TBC1D9B: variants seen among roughly 807,000 people sequenced by gnomAD.
TBC1D9B encodes TBC1 domain family, member 9B (with GRAM domain).
A neutral mutation model predicts 121.1 loss-of-function variants in TBC1D9B; 87 were observed. The observed-to-expected ratio is 0.72, with a 90% CI of 0.60 to 0.86. The LOEUF (loss-of-function observed/expected upper bound fraction) is 0.86. Ranked by LOEUF, TBC1D9B falls within the 40% of genes least tolerant of loss-of-function variation. TBC1D9B has a pLI of 0.00. For missense variants in TBC1D9B, 1,540 were observed against 1,628.6 expected (o/e 0.95, Z 0.94); for synonymous variants, 668 against 670.1 (o/e 1.00, Z 0.05).
At chr5:179,881,946 G>GTTTTTTTGTTTTTTTTTTT (rs1760554713) in intron 7 of TBC1D9B, among the ~76,000 whole-genome samples, 2 of 128,330 alleles carry the variant, frequency 1.6e-5, no homozygotes, top group African/African-American at 6.7e-5. Flanking sequence ...TATACCTTCC[G>GTTTTTTTGTTTTTTTTTTT]TTTTTTTTTT....
At chr5:179,896,960 G>A (rs1373991539) in intron 3 of TBC1D9B, among the ~76,000 whole-genome samples, 1 of 152,156 alleles carries the variant, frequency 6.6e-6, no homozygotes, top group African/African-American at 2.4e-5. Flanking sequence ...AGGCTGGAGG[G>A]CAGTGGCATG....
chr5:179,899,240 G>A lies in TBC1D9B; in HGVS notation c.297C>T (p.Ser99=). 2.5e-6 allele frequency: 4 copies of A among 1,613,974 alleles called. No individual in the cohort carries two copies. The highest frequency in any genetic ancestry group is 3.4e-6 in the Non-Finnish European group (4 of 1,180,012). Residue 99 remains serine, a synonymous_variant, in exon 3 of 21, where the codon TCC becomes TCT. Coordinates refer to ENST00000355235, the MANE Select transcript of TBC1D9B (RefSeq NM_015043.4). The part of the protein sequence containing the change: ...WLENNLLQTL[S]IFDSEEDITT... Reference sequence around the variant, plus strand: ...TGATATCTTCCTCACTGTCGAAGATGGACAGTGTCTGGAGCAAGTTATTTT... The same window carrying A: ...TGATATCTTCCTCACTGTCGAAGATAGACAGTGTCTGGAGCAAGTTATTTT...
intron 16 of TBC1D9B, 124 bp downstream of exon 16, chr5:179,870,131 G>A (rs1760144949): frequency 6.7e-7 from 1 of 1,485,434 alleles, no homozygotes; most frequent in Non-Finnish European, 9.1e-7. Context: ...CGTATCTAGG[G>A]CCAGGGGCTC....
At chr5:179,900,817 G>A (rs962116544) in intron 2 of TBC1D9B, among the ~76,000 whole-genome samples, 35 of 152,188 alleles carry the variant, frequency 2.3e-4, no homozygotes, top group African/African-American at 8.2e-4. Flanking sequence ...AGGAACAAGA[G>A]CACTACGGCA....
Position 179,875,164 on chromosome 5 carries a change from A to C in TBC1D9B, c.1924T>G (p.Phe642Val). ...AGGAAGTCTCTCGTGAGCTCTTCGAAGATGCCTTGGTCCACCAGGGCTCCT... is the reference window on the plus strand; with the variant it reads ...AGGAAGTCTCTCGTGAGCTCTTCGACGATGCCTTGGTCCACCAGGGCTCCT... ...VVGALVDQGIFEELTRDFLPQ... is the reference protein window; with the variant it reads ...VVGALVDQGIVEELTRDFLPQ... Residue 642 changes from phenylalanine (F) to valine (V), a missense_variant, in exon 12 of 21, where the codon TTC becomes GTC. Phe to Val is a conservative substitution (Grantham distance 50). Coordinates refer to ENST00000355235, the MANE Select transcript of TBC1D9B (RefSeq NM_015043.4). The surrounding 1 kb of genome is among the most constrained non-coding windows in gnomAD (Gnocchi z 4.5). 1 of 1,613,494 alleles carries C rather than the reference A, an allele frequency of 6.2e-7. No homozygotes were observed. The highest frequency in any genetic ancestry group is 2.2e-5 in the East Asian group (1 of 44,866).
intron 17 of TBC1D9B, 71 bp downstream of exon 17, chr5:179,869,698 G>T: frequency 6.5e-7 from 1 of 1,546,328 alleles, no homozygotes; most frequent in Non-Finnish European, 8.9e-7. Context: ...TCTCACAGAG[G>T]CCTGTCCTCT....
chr5:179,871,170 C>A (rs751184385), intron 15 of TBC1D9B, among the ~76,000 whole-genome samples: 5 of 152,162 alleles, frequency 3.3e-5, no homozygotes, highest in Non-Finnish European at 5.9e-5. Context: ...CTGTGCATTG[C>A]TAGACTTTTC....
chr5:179,905,414 C>T (rs78241186), intron 1 of TBC1D9B, among the ~76,000 whole-genome samples: 683 of 152,196 alleles, frequency 4.5e-3, no homozygotes, highest in Non-Finnish European at 7.0e-3. Context: ...TTATTACCGA[C>T]AGTTTAAGGA....
At position 179,865,803 on chromosome 5, in the gene TBC1D9B, G is replaced by A. The variant is rs1759990162; in HGVS notation, c.2914+35C>T. ...GCAAGCAAGGGTGCCTCAACGCTGG[G>A]GTCTCTAAGAACAGCGGCAGAGAAT... On this transcript the variant is annotated intron_variant, in intron 19 of 20. Transcript: ENST00000355235. This position sits in a 1 kb window ranked among gnomAD's most constrained non-coding sequence, Gnocchi z 5.1. 6.4e-7 allele frequency: 1 copy of A among 1,566,586 alleles called. No homozygotes were observed. The highest frequency in any genetic ancestry group is 8.7e-7 in the Non-Finnish European group (1 of 1,155,762).
At chr5:179,877,343 A>G (rs1220360273) in intron 10 of TBC1D9B, among the ~76,000 whole-genome samples, 3 of 151,934 alleles carry the variant, frequency 2.0e-5, no homozygotes, top group African/African-American at 7.3e-5. Context: ...TCTAAAAATA[A>G]TAATAATAAT....
intron 7 of TBC1D9B, chr5:179,880,089 T>C: frequency 2.1e-6 from 1 of 483,402 alleles, no homozygotes; most frequent in South Asian, 2.4e-5. Context: ...GGGGGGTCAG[T>C]GCAAAGGACA....
rs1462412919 is a variant in TBC1D9B at position 179,874,150 on chromosome 5, G to A, written c.2186+752C>T. The stretch of plus-strand genomic sequence containing the variant: ...TGGGACTGCACAGAGCTCAGGGCAG[G>A]GCAGAGTGTAGCCAGGAGGGGCCGG... On this transcript the variant is annotated intron_variant, in intron 12 of 20. Transcript: ENST00000355235. The surrounding 1 kb of genome is among the most constrained non-coding windows in gnomAD (Gnocchi z 4.3). Among the ~76,000 whole-genome samples the A allele has an allele frequency of 1.3e-5, 2 of 152,198 alleles. No individual in the cohort carries two copies. The highest frequency in any genetic ancestry group is 2.9e-5 in the Non-Finnish European group (2 of 68,036).
Position 179,865,574 on chromosome 5 carries a change from C to T in TBC1D9B, c.2915-214G>A. 1 of 615,674 alleles carries T rather than the reference C, an allele frequency of 1.6e-6. No homozygotes were observed. Among genetic ancestry groups the T allele is most frequent in the South Asian group, 2.0e-5 (1 of 50,526 alleles). The allele number at this position is 615,674 out of a possible 1,614,324, so 38.1% of individuals were successfully genotyped here. On this transcript the variant is annotated intron_variant, in intron 19 of 20. Transcript: ENST00000355235. The surrounding 1 kb of genome is among the most constrained non-coding windows in gnomAD (Gnocchi z 5.1). ...GCAGTGGTTGGACCTAAGCTGATGA[C>T]AATGATCCACAATGTCTTCTCTCAG...
rs1462282141 is a variant in TBC1D9B at position 179,893,517 on chromosome 5, G to A, written c.578-50C>T. 1.9e-6 allele frequency: 3 copies of A among 1,549,570 alleles called. No individual in the cohort carries two copies. In the African/African-American group the frequency reaches 4.1e-5, roughly 21 times the overall value. ...CGCAAGTTAGGGCCTGGCAGGGCGA[G>A]GCTCCTGATGCCCATCTGTACCCCA... On this transcript the variant is annotated intron_variant, in intron 4 of 20. Coordinates refer to ENST00000355235, the MANE Select transcript of TBC1D9B (RefSeq NM_015043.4).
rs754091626 is a variant in TBC1D9B, at chr5:179,862,536, G to C, written c.*912C>G. 2.0e-5 allele frequency: 9 copies of C among 456,174 alleles called. No homozygotes were observed. Among genetic ancestry groups the C allele is most frequent in the Middle Eastern group, 3.2e-4 (1 of 3,094 alleles). 28.3% of individuals were successfully genotyped at this position (456,174 alleles called of 1,614,324 possible). On this transcript the variant is annotated 3_prime_UTR_variant, in exon 21 of 21. Transcript: ENST00000355235. The stretch of plus-strand genomic sequence containing the variant: ...GGAGCTCAGGGCATCCCCTGATGCA[G>C]GTTGGTCAGGACCTGCCCAGCTTGC...
rs750529569 is a variant in TBC1D9B, at chr5:179,878,518, A to T, written c.1573T>A (p.Trp525Arg). 6.2e-7 allele frequency: 1 copy of T among 1,601,332 alleles called. No homozygotes were observed. ...GELWLLFSGA[W>R]NEMVTHPGYY... is the part of the protein sequence containing the mutation. Reference sequence around the variant, plus strand: ...CCGGGGTGAGTCACCATCTCATTCCAGGCCCCTGGGGAGACACGGGTGCCA... The same window carrying T: ...CCGGGGTGAGTCACCATCTCATTCCTGGCCCCTGGGGAGACACGGGTGCCA... The change falls in exon 10 of 21, where the codon TGG becomes AGG. Residue 525 changes from tryptophan (W) to arginine (R), a missense_variant. By Grantham distance (101) the Trp-to-Arg change is moderately radical. Transcript: ENST00000355235.
intron 7 of TBC1D9B, chr5:179,884,668 T>A (rs1018302867): frequency 6.6e-6 from 1 of 152,200 alleles, no homozygotes. Context: ...CAATGGCATA[T>A]GATTCAGCCT....
rs1334535289 is a variant in TBC1D9B, at chr5:179,904,923, A to C, written c.119-111T>G. The stretch of plus-strand genomic sequence containing the variant: ...GATGGTGACGCTACCCAAAGGGTCC[A>C]GCCCAACGAGGGAAACGTCCGGAAT... On this transcript the variant is annotated intron_variant, in intron 1 of 20. Transcript: ENST00000355235. This position sits in a 1 kb window ranked among gnomAD's most constrained non-coding sequence, Gnocchi z 4.2. 1.3e-5 allele frequency: 10 copies of C among 792,184 alleles called. No homozygotes were observed. The highest frequency in any genetic ancestry group is 2.0e-5 in the Non-Finnish European group (10 of 511,942). The allele number at this position is 792,184 out of a possible 1,614,324, so 49.1% of individuals were successfully genotyped here. A position where few individuals can be genotyped will look rare whatever the true frequency, so the allele number is the denominator to read the frequency against.
chr5:179,879,182 T>TC lies in TBC1D9B; in HGVS notation c.1431dup (p.Lys478GlufsTer34), dbSNP rs1760457191. On this transcript the variant is annotated frameshift_variant, in exon 9 of 21. Transcript: ENST00000355235. LOFTEE classifies it high-confidence loss of function. Reference sequence around the variant, plus strand: ...AAGTGGATGTGCCATGACTCCTCTTTCATCTTCTCCTTGGCCTGAGGGAAA... The same window carrying TC: ...AAGTGGATGTGCCATGACTCCTCTTTCCATCTTCTCCTTGGCCTGAGGGAAA... 6.2e-7 allele frequency: 1 copy of TC among 1,602,440 alleles called. No individual in the cohort carries two copies. Among genetic ancestry groups the TC allele is most frequent in the Non-Finnish European group, 8.5e-7 (1 of 1,179,156 alleles).
Sources: gnomAD v4.1 joint callset for allele counts (sites outside exome capture counted in the v4.1 genomes callset) on GRCh38, gnomAD v4.1.1 for gene constraint, Gnocchi (gnomAD v3.1) non-coding constraint, MANE v1.5 for transcripts, NCBI Gene and HGNC (gene_info 2026-07-23, HGNC 2026-07-21) for gene names.